PDE2A: variants seen among roughly 807,000 people sequenced by gnomAD.
PDE2A encodes the protein phosphodiesterase 2A.
A neutral mutation model predicts 133.6 loss-of-function variants in PDE2A; 53 were observed. That is an observed-to-expected ratio of 0.40 (90% CI 0.32 to 0.50). The LOEUF (loss-of-function observed/expected upper bound fraction) is 0.50, where lower values mean the gene tolerates loss of function less well. PDE2A is among the 20% of genes least tolerant of loss of function. The pLI, the probability that PDE2A is intolerant of heterozygous loss-of-function variation, is 0.73. For missense variants in PDE2A, 796 were observed against 1,232.4 expected (o/e 0.65, Z 5.30); for synonymous variants, 491 against 490.2 (o/e 1.00, Z -0.02).
chr11:72,646,643 C>G (rs1311001043), intron 1 of PDE2A, among the ~76,000 whole-genome samples: 2 of 152,192 alleles, frequency 1.3e-5, no homozygotes, highest in Non-Finnish European at 2.9e-5. Context: ...AACATCCAAA[C>G]TCAGTATAAG....
At chr11:72,657,791 G>T (rs191180224) in intron 1 of PDE2A, 6 of 454,338 alleles carry the variant, frequency 1.3e-5, no homozygotes, top group Admixed American at 7.0e-5. Context: ...CCTTCCCTCA[G>T]CCTCCCAACA....
intron 6 of PDE2A, among the ~76,000 whole-genome samples, chr11:72,591,742 G>C (rs1246326788): frequency 6.6e-6 from 1 of 152,210 alleles, no homozygotes; most frequent in Non-Finnish European, 1.5e-5. Context: ...GCTCTATCCT[G>C]TCTGAGTTAG....
rs34720227 is a variant in PDE2A at position 72,595,035 on chromosome 11, G to GACACACAC, written c.489+1550_489+1557dup. Among the ~76,000 whole-genome samples the GACACACAC allele has an allele frequency of 4.2e-3, 629 of 148,756 alleles. 4 individuals carry two copies. Among genetic ancestry groups the GACACACAC allele is most frequent in the African/African-American group, 0.015 (602 of 40,402 alleles). The stretch of plus-strand genomic sequence containing the variant: ...GATCTGATCCCACCAGCGTCCCTGA[G>GACACACAC]ACACACACACACACACACACACACA... On this transcript the variant is annotated intron_variant, in intron 6 of 30. Coordinates refer to ENST00000334456, the MANE Select transcript of PDE2A (RefSeq NM_002599.5).
chr11:72,607,694 A>G (rs758523641), intron 3 of PDE2A, among the ~76,000 whole-genome samples: 3 of 152,104 alleles, frequency 2.0e-5, no homozygotes, highest in African/African-American at 7.2e-5. Flanking sequence ...TGGTTCATCC[A>G]TCAAGCAGAT....
chr11:72,633,688 G>A (rs1319532477), intron 2 of PDE2A, among the ~76,000 whole-genome samples: 2 of 152,194 alleles, frequency 1.3e-5, no homozygotes, highest in African/African-American at 4.8e-5. Context: ...TCTAGTCTGT[G>A]TCCCAAGGAC....
At chr11:72,614,559 C>T (rs1359676856) in intron 2 of PDE2A, among the ~76,000 whole-genome samples, 3 of 152,186 alleles carry the variant, frequency 2.0e-5, no homozygotes, top group Non-Finnish European at 4.4e-5. Context: ...TTGCTGGCCC[C>T]ACCCCCAGGG....
At chr11:72,621,706 C>T in intron 2 of PDE2A, 1 of 152,310 alleles carries the variant, frequency 6.6e-6, no homozygotes, top group East Asian at 1.9e-4. Flanking sequence ...CACACTGGCT[C>T]TGTGTCACTG....
chr11:72,579,483 AGCC>A, intron 26 of PDE2A, 48 bp downstream of exon 26: 1 of 1,565,440 alleles, frequency 6.4e-7, no homozygotes, highest in Non-Finnish European at 8.7e-7. Flanking sequence ...TCCCACCTCC[AGCC>A]AGCTCCCAGC....
chr11:72,631,291 C>T (rs1336285391), intron 2 of PDE2A, among the ~76,000 whole-genome samples: 1 of 152,170 alleles, frequency 6.6e-6, no homozygotes, highest in Non-Finnish European at 1.5e-5. Flanking sequence ...CCAAGACTCC[C>T]TCCTTGTTCT....
chr11:72,581,363 T>C lies in PDE2A; in HGVS notation c.2039A>G (p.Tyr680Cys), dbSNP rs1331230897. ...GGGAGATGCAGCCACTCACTCGAGGTAGTTGGTGAGCTCCAGGTTCTTGTA... is the reference window on the plus strand; with the variant it reads ...GGGAGATGCAGCCACTCACTCGAGGCAGTTGGTGAGCTCCAGGTTCTTGTA... Reference protein sequence around the residue: ...LLYKNLELTNYLEDIEIFALF... With the variant: ...LLYKNLELTNCLEDIEIFALF... The change falls in exon 23 of 31, where the codon TAC becomes TGC. Residue 680 changes from tyrosine (Y) to cysteine (C), a missense_variant. Tyr to Cys is a radical substitution (Grantham distance 194, BLOSUM62 -2). Transcript: ENST00000334456. The C allele has an allele frequency of 6.2e-7, 1 of 1,612,796 alleles. No individual in the cohort carries two copies. The highest frequency in any genetic ancestry group is 1.1e-5 in the South Asian group (1 of 90,464).
At chr11:72,613,798 C>T (rs1196488969) in intron 2 of PDE2A, among the ~76,000 whole-genome samples, 1 of 152,168 alleles carries the variant, frequency 6.6e-6, no homozygotes, top group East Asian at 1.9e-4. Flanking sequence ...ACAGGGGGTG[C>T]CAGGCAAGTG....
intron 1 of PDE2A, among the ~76,000 whole-genome samples, chr11:72,650,887 ACACACACACACAC>A (rs1354149660): frequency 8.0e-5 from 7 of 88,030 alleles, no homozygotes; most frequent in Admixed American, 4.1e-4. Context: ...ACACACACAC[ACACACACACACAC>A]ACACACACAC....
At chr11:72,643,791 A>G (rs1013204923) in intron 1 of PDE2A, among the ~76,000 whole-genome samples, 20 of 152,182 alleles carry the variant, frequency 1.3e-4, no homozygotes, top group African/African-American at 4.8e-4. Context: ...GCCTTGGCAG[A>G]GCCCGGCCAC....
chr11:72,598,689 G>C (rs1856596411), intron 4 of PDE2A: 3 of 1,283,976 alleles, frequency 2.3e-6, no homozygotes, highest in Admixed American at 2.3e-5. Context: ...TGAGGAAAAG[G>C]AGGGGGTGGC....
chr11:72,618,813 G>C (rs1173127932), intron 2 of PDE2A, among the ~76,000 whole-genome samples: 1 of 114,234 alleles, frequency 8.8e-6, no homozygotes, highest in Admixed American at 8.6e-5. Flanking sequence ...CATTACACAG[G>C]GTCCCGGTCA....
At chr11:72,579,512 A>ACCCCACC in intron 26 of PDE2A, 22 bp downstream of exon 26, 12 of 885,618 alleles carry the variant, frequency 1.4e-5, no homozygotes, top group Non-Finnish European at 2.0e-5. Context: ...CTCAATCCCC[A>ACCCCACC]CCCCACCCCC....
chr11:72,666,828 G>A (rs1214787246), intron 1 of PDE2A, among the ~76,000 whole-genome samples: 2 of 152,196 alleles, frequency 1.3e-5, no homozygotes, highest in African/African-American at 2.4e-5. Flanking sequence ...AGTCACAGCC[G>A]GGTGCAGTGG....
intron 6 of PDE2A, among the ~76,000 whole-genome samples, chr11:72,595,858 A>G (rs1856456737): frequency 6.6e-6 from 1 of 152,102 alleles, no homozygotes; most frequent in Non-Finnish European, 1.5e-5. Flanking sequence ...CTGCACTTCC[A>G]CAATCCCCTC....
rs527460866 is a variant in PDE2A, at chr11:72,597,938, A to G, written c.324-319T>C. 3.3e-5 allele frequency among the ~76,000 whole-genome samples: 5 copies of G among 152,292 alleles called. No individual in the cohort carries two copies. Among genetic ancestry groups the G allele is most frequent in the African/African-American group, 1.2e-4 (5 of 41,578 alleles). On this transcript the variant is annotated intron_variant, in intron 4 of 30. Coordinates refer to ENST00000334456, the MANE Select transcript of PDE2A (RefSeq NM_002599.5). This position sits in a 1 kb window ranked among gnomAD's most constrained non-coding sequence, Gnocchi z 4.6. ...GCTCAAAGCTAGGCTGCCTGCTACA[A>G]TCTGACCTTAGGCACATGACCTGAC...
Sources: gnomAD v4.1 joint callset for allele counts (sites outside exome capture counted in the v4.1 genomes callset) on GRCh38, gnomAD v4.1.1 for gene constraint, Gnocchi (gnomAD v3.1) non-coding constraint, MANE v1.5 for transcripts, NCBI Gene and HGNC (gene_info 2026-07-23, HGNC 2026-07-21) for gene names.